Variants in FBXW7 observed in about 807,000 individuals in gnomAD.
The protein encoded by FBXW7 is F-box/WD repeat-containing protein 7.
In FBXW7, 11 loss-of-function variants were observed where a neutral mutation model predicts 86.3. The observed-to-expected ratio is 0.13, with a 90% CI of 0.08 to 0.21. The LOEUF is 0.21. Among genes scored for constraint, FBXW7 ranks in the 10% least tolerant of loss-of-function variants. FBXW7 has a pLI of 1.00. For missense variants in FBXW7, 488 were observed against 847.4 expected (o/e 0.58, Z 5.27); for synonymous variants, 313 against 297.9 (o/e 1.05, Z -0.52).
rs112941230 is a variant in FBXW7, at chr4:152,421,330, T to C, written c.-119-8801A>G. ...TGATCTTCTATCCAGACACTAAAAC[T>C]TTCTCCATATCAGCAATAAGGCTGT... is the stretch of plus-strand genomic sequence containing the variant. On this transcript the variant is annotated intron_variant, in intron 2 of 13. Transcript: ENST00000281708. Among the ~76,000 whole-genome samples the C allele has an allele frequency of 2.2e-3, 339 of 152,296 alleles. 1 individual carries two copies. Among genetic ancestry groups the C allele is most frequent in the African/African-American group, 7.8e-3 (325 of 41,558 alleles).
chr4:152,378,583 C>G (rs1734772103), intron 4 of FBXW7, among the ~76,000 whole-genome samples: 1 of 152,160 alleles, frequency 6.6e-6, no homozygotes, highest in South Asian at 2.1e-4. Flanking sequence ...TTGGAAATTT[C>G]TACTAAAATA....
At chr4:152,414,419 A>G (rs910142688) in intron 2 of FBXW7, among the ~76,000 whole-genome samples, 1 of 152,122 alleles carries the variant, frequency 6.6e-6, no homozygotes, top group Admixed American at 6.6e-5. Context: ...GCAGATCTCA[A>G]CTGGAAATAA....
chr4:152,454,831 T>C (rs74507757), intron 2 of FBXW7, among the ~76,000 whole-genome samples: 2,082 of 152,228 alleles, frequency 0.014, 26 homozygotes, highest in Middle Eastern at 0.038. Context: ...CTAATAAATA[T>C]TAGCCATTAA....
At chr4:152,367,215 T>C (rs1228302063) in intron 4 of FBXW7, among the ~76,000 whole-genome samples, 1 of 152,144 alleles carries the variant, frequency 6.6e-6, no homozygotes, top group Non-Finnish European at 1.5e-5. Context: ...ACATGGCACA[T>C]GTATACATAT....
chr4:152,382,012 T>C (rs889172242), intron 4 of FBXW7, among the ~76,000 whole-genome samples: 2 of 152,186 alleles, frequency 1.3e-5, no homozygotes, highest in East Asian at 3.8e-4. Context: ...AACCCTATCT[T>C]CTAGGCTCTA....
chr4:152,424,338 T>C (rs958490463), intron 2 of FBXW7, among the ~76,000 whole-genome samples: 2 of 152,170 alleles, frequency 1.3e-5, no homozygotes, highest in East Asian at 1.9e-4. Context: ...CTTTGACTAA[T>C]AGGACAATCA....
intron 6 of FBXW7, among the ~76,000 whole-genome samples, chr4:152,342,348 A>G (rs980801419): frequency 5.3e-5 from 8 of 152,190 alleles, no homozygotes. Flanking sequence ...CAGAGAACCC[A>G]CCTACACAGT....
rs1343107312 is a variant in FBXW7, at chr4:152,503,426, C to T, written c.-120+31515G>A. On this transcript the variant is annotated intron_variant, in intron 2 of 13. Transcript: ENST00000281708. Reference sequence around the variant, plus strand: ...CTGGCATTACAGATGCACACCACCACGCCCGGCTAATTTTTTGCATTTTTT... The same window carrying T: ...CTGGCATTACAGATGCACACCACCATGCCCGGCTAATTTTTTGCATTTTTT... Among the ~76,000 whole-genome samples the T allele has an allele frequency of 3.3e-5, 5 of 152,036 alleles. No individual in the cohort carries two copies. In the South Asian group the frequency reaches 8.3e-4, roughly 25 times the overall value.
intron 2 of FBXW7, among the ~76,000 whole-genome samples, chr4:152,415,661 A>G: frequency 6.6e-6 from 1 of 152,054 alleles, no homozygotes; most frequent in East Asian, 1.9e-4. Flanking sequence ...ACTCAGAGTA[A>G]AAGCCAATGT....
At chr4:152,458,184 T>C (rs1742616423) in intron 2 of FBXW7, among the ~76,000 whole-genome samples, 4 of 152,102 alleles carry the variant, frequency 2.6e-5, no homozygotes, top group Admixed American at 2.6e-4. Flanking sequence ...CACGCGCAGC[T>C]AATTTTTGTA....
At chr4:152,418,922 G>A (rs1738691918) in intron 2 of FBXW7, among the ~76,000 whole-genome samples, 1 of 151,952 alleles carries the variant, frequency 6.6e-6, no homozygotes, top group Non-Finnish European at 1.5e-5. Context: ...CATTAAAGAG[G>A]TAAATTCACA....
At chr4:152,462,662 C>G (rs749493834) in intron 2 of FBXW7, among the ~76,000 whole-genome samples, 1 of 152,172 alleles carries the variant, frequency 6.6e-6, no homozygotes, top group Admixed American at 6.5e-5. Flanking sequence ...TCTGGCTTTG[C>G]TTTTTTGGTT....
chr4:152,475,510 T>C (rs1215147437), intron 2 of FBXW7, among the ~76,000 whole-genome samples: 1 of 152,084 alleles, frequency 6.6e-6, no homozygotes, highest in East Asian at 1.9e-4. Context: ...TTCAGCATTG[T>C]CCTGGAAAGC....
chr4:152,521,023 C>T (rs563705704), intron 2 of FBXW7, among the ~76,000 whole-genome samples: 42 of 152,194 alleles, frequency 2.8e-4, no homozygotes, highest in Non-Finnish European at 5.1e-4. Flanking sequence ...TCCTGCCAAC[C>T]CCCATAGAAC....
At chr4:152,347,809 G>A (rs963165722) in intron 5 of FBXW7, among the ~76,000 whole-genome samples, 7 of 151,936 alleles carry the variant, frequency 4.6e-5, no homozygotes, top group African/African-American at 1.5e-4. Flanking sequence ...AAATGAGGAC[G>A]ACTAGATGAT....
chr4:152,362,020 G>C (rs1578993713), intron 4 of FBXW7, among the ~76,000 whole-genome samples: 1 of 137,374 alleles, frequency 7.3e-6, no homozygotes, highest in Non-Finnish European at 1.6e-5. Flanking sequence ...AAAGAAAAAA[G>C]AAAGCTTATC....
chr4:152,378,964 C>T (rs1734807889), intron 4 of FBXW7, among the ~76,000 whole-genome samples: 2 of 152,076 alleles, frequency 1.3e-5, no homozygotes, highest in South Asian at 4.1e-4. Flanking sequence ...CAAGATGGCG[C>T]CACTACACTC....
At chr4:152,446,743 G>A (rs553005772) in intron 2 of FBXW7, among the ~76,000 whole-genome samples, 10 of 152,170 alleles carry the variant, frequency 6.6e-5, no homozygotes, top group South Asian at 6.2e-4. Flanking sequence ...TTACTTCCTC[G>A]TTTCCTATTT....
intron 2 of FBXW7, among the ~76,000 whole-genome samples, chr4:152,428,037 T>C (rs185753577): frequency 2.3e-4 from 35 of 152,180 alleles, no homozygotes; most frequent in Non-Finnish European, 3.7e-4. Flanking sequence ...CTAAAAAGAG[T>C]TGAAGCTACA....
Sources: allele counts gnomAD v4.1 joint callset (sites outside exome capture counted in the v4.1 genomes callset), GRCh38; gene constraint gnomAD v4.1.1; transcripts MANE v1.5; gene names NCBI Gene and HGNC (gene_info 2026-07-23, HGNC 2026-07-21).